NPSR1: variants seen among roughly 807,000 people sequenced by gnomAD.
The protein encoded by NPSR1 is neuropeptide S receptor.
A neutral mutation model predicts 46.9 loss-of-function variants in NPSR1; 48 were observed. The observed-to-expected ratio is 1.02, with a 90% CI of 0.81 to 1.30. The LOEUF (loss-of-function observed/expected upper bound fraction) is 1.30, where lower values mean the gene tolerates loss of function less well. NPSR1 is among the 50% of genes most tolerant of loss of function. The pLI is 0.00. For missense variants in NPSR1, 450 were observed against 449.5 expected (o/e 1.00, Z -0.01); for synonymous variants, 176 against 168.1 (o/e 1.05, Z -0.36).
At chr7:34,755,720 A>G (rs1396026258) in intron 2 of NPSR1, among the ~76,000 whole-genome samples, 1 of 152,154 alleles carries the variant, frequency 6.6e-6, no homozygotes, top group African/African-American at 2.4e-5. Context: ...AATGTCCTAA[A>G]AACACCTTTA....
At chr7:34,751,640 C>G in intron 2 of NPSR1, 2 of 1,598,614 alleles carry the variant, frequency 1.3e-6, no homozygotes, top group Non-Finnish European at 1.7e-6. Flanking sequence ...TCCAAGTGGA[C>G]CAGCTGCTGC....
At chr7:34,789,071 A>G (rs1562727757) in intron 3 of NPSR1, among the ~76,000 whole-genome samples, 1 of 152,100 alleles carries the variant, frequency 6.6e-6, no homozygotes, top group Admixed American at 6.6e-5. Flanking sequence ...GAAGAAATTA[A>G]AAGCAAAAAT....
chr7:34,849,143 A>G (rs898150482), intron 8 of NPSR1, among the ~76,000 whole-genome samples: 1 of 152,254 alleles, frequency 6.6e-6, no homozygotes, highest in Non-Finnish European at 1.5e-5. Flanking sequence ...GTTTTCCTGC[A>G]TAAGCCACAG....
At chr7:34,682,374 G>A (rs1792687348) in intron 1 of NPSR1, among the ~76,000 whole-genome samples, 1 of 152,114 alleles carries the variant, frequency 6.6e-6, no homozygotes, top group African/African-American at 2.4e-5. Context: ...CACCCCCAGG[G>A]CACCATCGTC....
intron 5 of NPSR1, among the ~76,000 whole-genome samples, chr7:34,829,233 G>A (rs1790006667): frequency 6.6e-6 from 1 of 152,178 alleles, no homozygotes; most frequent in African/African-American, 2.4e-5. Flanking sequence ...AGATTGAGAT[G>A]GGCAAGCACA....
At chr7:34,683,281 A>G (rs899317769) in intron 1 of NPSR1, among the ~76,000 whole-genome samples, 1 of 151,786 alleles carries the variant, frequency 6.6e-6, no homozygotes, top group Non-Finnish European at 1.5e-5. Flanking sequence ...GTGTCTACTA[A>G]AAAATACAAA....
chr7:34,851,836 G>A (rs1790941530), downstream of NPSR1, among the ~76,000 whole-genome samples: 1 of 152,194 alleles, frequency 6.6e-6, no homozygotes, highest in Non-Finnish European at 1.5e-5. Context: ...TTGTGATGCT[G>A]TCTCTCTCAT....
At chr7:34,735,677 C>T (rs570838131) in intron 2 of NPSR1, among the ~76,000 whole-genome samples, 123 of 152,276 alleles carry the variant, frequency 8.1e-4, no homozygotes, top group African/African-American at 2.9e-3. Context: ...ATGTTCATTT[C>T]TTTGAAACAG....
intron 2 of NPSR1, among the ~76,000 whole-genome samples, chr7:34,757,081 G>A (rs1785902855): frequency 6.6e-6 from 1 of 152,146 alleles, no homozygotes; most frequent in African/African-American, 2.4e-5. Flanking sequence ...ATGTTGGTTC[G>A]ATGAGAGCAT....
intron 1 of NPSR1, among the ~76,000 whole-genome samples, chr7:34,675,178 T>C (rs1381746636): frequency 1.3e-5 from 2 of 152,220 alleles, no homozygotes; most frequent in East Asian, 1.9e-4. Context: ...GTGAGCAATA[T>C]GTAAGCCTTC....
intron 8 of NPSR1, among the ~76,000 whole-genome samples, chr7:34,869,404 C>A (rs192738681): frequency 1.1e-4 from 16 of 151,898 alleles, no homozygotes; most frequent in Admixed American, 8.5e-4. Flanking sequence ...TCTGCCTTTT[C>A]TCCGTTCCCA....
At chr7:34,731,685 G>A (rs1343654771) in intron 2 of NPSR1, among the ~76,000 whole-genome samples, 1 of 152,188 alleles carries the variant, frequency 6.6e-6, no homozygotes, top group Non-Finnish European at 1.5e-5. Flanking sequence ...GCATCTTTCA[G>A]TAGCACAAAG....
At chr7:34,762,734 G>A (rs1786235792) in intron 2 of NPSR1, among the ~76,000 whole-genome samples, 1 of 152,146 alleles carries the variant, frequency 6.6e-6, no homozygotes, top group South Asian at 2.1e-4. Flanking sequence ...GTCCCTTCAG[G>A]AAAGCCAGAG....
chr7:34,858,637 A>G (rs1226447565), intron 8 of NPSR1, among the ~76,000 whole-genome samples: 1 of 151,884 alleles, frequency 6.6e-6, no homozygotes, highest in African/African-American at 2.4e-5. Flanking sequence ...AGGTTTCACA[A>G]TCATGGCAGA....
chr7:34,726,899 G>A (rs1784184242), intron 2 of NPSR1, among the ~76,000 whole-genome samples: 1 of 151,976 alleles, frequency 6.6e-6, no homozygotes, highest in Non-Finnish European at 1.5e-5. Context: ...AGGATTTTTA[G>A]GGCAGTGAAA....
rs367997332 is a variant in NPSR1, at chr7:34,705,175, C to A, written c.280+20491C>A. ...GACGTGGTGGCTCATGCTTGTAATC[C>A]CAGCACTTTGGGAGGCTGAGGCGGG... On this transcript the variant is annotated intron_variant, in intron 2 of 8. Transcript: ENST00000360581. Among the ~76,000 whole-genome samples, 4 of 151,906 alleles carry A rather than the reference C, an allele frequency of 2.6e-5. No homozygotes were observed. In the East Asian group the frequency reaches 7.7e-4, roughly 29 times the overall value.
chr7:34,678,520 A>G (rs1792443792), intron 1 of NPSR1, among the ~76,000 whole-genome samples: 1 of 152,176 alleles, frequency 6.6e-6, no homozygotes, highest in African/African-American at 2.4e-5. Context: ...TTGAAAGGAC[A>G]TTGCATTAAG....
chr7:34,876,809 T>C (rs62464182), intron 8 of NPSR1, among the ~76,000 whole-genome samples: 4 of 152,118 alleles, frequency 2.6e-5, no homozygotes, highest in African/African-American at 9.7e-5. Context: ...TTGAATATGA[T>C]CTGAATCCAG....
chr7:34,838,704 C>T (rs2128761653), intron 6 of NPSR1, among the ~76,000 whole-genome samples: 1 of 152,226 alleles, frequency 6.6e-6, no homozygotes, highest in East Asian at 1.9e-4. Flanking sequence ...CAAAGGCTGA[C>T]AGAAAGGAAA....
Sources: allele counts gnomAD v4.1 joint callset (sites outside exome capture counted in the v4.1 genomes callset), GRCh38; gene constraint gnomAD v4.1.1; transcripts MANE v1.5; gene names NCBI Gene and HGNC (gene_info 2026-07-23, HGNC 2026-07-21).